AP1M1: variants seen among roughly 807,000 people sequenced by gnomAD.
The protein encoded by AP1M1 is AP-1 complex subunit mu-1.
A neutral mutation model predicts 57.1 loss-of-function variants in AP1M1; 18 were observed. The observed-to-expected ratio is 0.32, with a 90% CI of 0.22 to 0.47. The LOEUF is 0.47. Among genes scored for constraint, AP1M1 ranks in the 20% least tolerant of loss-of-function variants. The probability of loss-of-function intolerance (pLI) is 1.00; values close to 1 mark genes in which losing one functional copy is unlikely to be tolerated. For missense variants in AP1M1, 362 were observed against 593.5 expected, an observed-to-expected ratio of 0.61 and a Z score of 4.05; for synonymous variants, 241 against 237.9, an observed-to-expected ratio of 1.01 and a Z score of -0.12.
chr19:16,233,735 G>T, intron 10 of AP1M1, 117 bp downstream of exon 10: 1 of 1,343,448 alleles, frequency 7.4e-7, no homozygotes, highest in Non-Finnish European at 1.0e-6. Flanking sequence ...ACCCTGCTGT[G>T]CTGTGGGCCT....
At position 16,203,353 on chromosome 19, in the gene AP1M1, GGAGTCCCCA is replaced by G; in HGVS notation, c.43-102_43-94del. 1 of 1,169,982 alleles carries G rather than the reference GGAGTCCCCA, an allele frequency of 8.5e-7. No homozygotes were observed. Among genetic ancestry groups the G allele is most frequent in the South Asian group, 1.3e-5 (1 of 74,266 alleles). 72.5% of individuals were successfully genotyped at this position (1,169,982 alleles called of 1,614,324 possible). ...TCTTTTGCGGATAGTGGCCATGACCGGAGTCCCCAGAGCGAAGCAGGGTGGTGCATCTCA... is the reference window on the plus strand; with the variant it reads ...TCTTTTGCGGATAGTGGCCATGACCGGAGCGAAGCAGGGTGGTGCATCTCA... On this transcript the variant is annotated intron_variant, in intron 1 of 11. Transcript: ENST00000291439. The surrounding 1 kb of genome is among the most constrained non-coding windows in gnomAD (Gnocchi z 4.6).
rs972256671 is a variant in AP1M1 at position 16,241,908 on chromosome 19, G to T, written c.*7473G>T. The T allele has an allele frequency of 6.6e-6, 1 of 152,368 alleles. No individual in the cohort carries two copies. Among genetic ancestry groups the T allele is most frequent in the Non-Finnish European group, 1.5e-5 (1 of 68,316 alleles). The allele number at this position is 152,368 out of a possible 1,614,324, so 9.4% of individuals were successfully genotyped here. On this transcript the variant is annotated 3_prime_UTR_variant, in exon 12 of 12. Coordinates refer to ENST00000291439, the MANE Select transcript of AP1M1 (RefSeq NM_032493.4). ...CTCGGGAGGGTGAGGCAGGAGAATC[G>T]CTTGAACCTGGGAGGCAGAGGTTGT... is the stretch of plus-strand genomic sequence containing the variant.
At chr19:16,218,249 C>T (rs556739683) in intron 5 of AP1M1, among the ~76,000 whole-genome samples, 1 of 152,242 alleles carries the variant, frequency 6.6e-6, no homozygotes, top group Non-Finnish European at 1.5e-5. Context: ...TTTATCACCA[C>T]CAGCTCGCCC....
intron 5 of AP1M1, among the ~76,000 whole-genome samples, chr19:16,225,244 C>T (rs1286245963): frequency 6.6e-6 from 1 of 152,228 alleles, no homozygotes; most frequent in African/African-American, 2.4e-5. Flanking sequence ...TAAGACTGCA[C>T]AGACTCTCCT....
intron 5 of AP1M1, among the ~76,000 whole-genome samples, chr19:16,217,981 G>GCCATTGC (rs1408722001): frequency 1.3e-5 from 2 of 152,198 alleles, no homozygotes; most frequent in Non-Finnish European, 2.9e-5. Context: ...ATGTCAGTTT[G>GCCATTGC]CCATTGCCGT....
At chr19:16,213,682 G>A (rs2091505280) in intron 5 of AP1M1, among the ~76,000 whole-genome samples, 1 of 152,070 alleles carries the variant, frequency 6.6e-6, no homozygotes, top group Non-Finnish European at 1.5e-5. Flanking sequence ...TAGTAGAGAC[G>A]AGGTTTCACC....
Position 16,228,360 on chromosome 19 carries a change from C to T in AP1M1, c.888+152C>T, listed in dbSNP as rs1243669553. The T allele has an allele frequency of 1.5e-5, 12 of 807,556 alleles. No individual in the cohort carries two copies. The highest frequency in any genetic ancestry group is 6.8e-5 in the African/African-American group (4 of 59,162). The allele number at this position is 807,556 out of a possible 1,614,324, so 50.0% of individuals were successfully genotyped here. A position where few individuals can be genotyped will look rare whatever the true frequency, so the allele number is the denominator to read the frequency against. ...GAGTGACCTGACACTGAGGGGACACCGCCTGGGGCCTGCTCCTAGATGGTG... is the reference window on the plus strand; with the variant it reads ...GAGTGACCTGACACTGAGGGGACACTGCCTGGGGCCTGCTCCTAGATGGTG... On this transcript the variant is annotated intron_variant, in intron 8 of 11. Transcript: ENST00000291439. This position sits in a 1 kb window ranked among gnomAD's most constrained non-coding sequence, Gnocchi z 5.0.
At chr19:16,213,290 A>G (rs1214298881) in intron 5 of AP1M1, among the ~76,000 whole-genome samples, 1 of 152,100 alleles carries the variant, frequency 6.6e-6, no homozygotes, top group African/African-American at 2.4e-5. Context: ...CTGCATATTT[A>G]TTTAGGTTAG....
intron 9 of AP1M1, among the ~76,000 whole-genome samples, chr19:16,230,900 TC>T (rs1255036193): frequency 4.0e-5 from 6 of 151,782 alleles, no homozygotes; most frequent in Non-Finnish European, 8.8e-5. Flanking sequence ...CAAAATTAAT[TC>T]ATCAGCGTAT....
intron 5 of AP1M1, among the ~76,000 whole-genome samples, chr19:16,225,708 G>T (rs1599464103): frequency 6.6e-6 from 1 of 152,230 alleles, no homozygotes; most frequent in African/African-American, 2.4e-5. Context: ...AATGCTGTCA[G>T]TGTTAGCCAC....
At chr19:16,230,799 A>G in intron 9 of AP1M1, among the ~76,000 whole-genome samples, 1 of 152,218 alleles carries the variant, frequency 6.6e-6, no homozygotes, top group East Asian at 1.9e-4. Flanking sequence ...CCAAACCTGC[A>G]CTGTGTGAAG....
At chr19:16,200,176 A>C (rs1265876304) in intron 1 of AP1M1, among the ~76,000 whole-genome samples, 2 of 152,140 alleles carry the variant, frequency 1.3e-5, no homozygotes, top group East Asian at 3.8e-4. Context: ...ATTACCACAC[A>C]GTTGGATCCA....
At position 16,234,480 on chromosome 19, in the gene AP1M1, A is replaced by T; in HGVS notation, c.*45A>T. ...CCCCGGCCTCGGGGCTCCTGGTGGC[A>T]GCACCAGGGGACACACCTGCCAAAC... On this transcript the variant is annotated 3_prime_UTR_variant, in exon 12 of 12. Coordinates refer to ENST00000291439, the MANE Select transcript of AP1M1 (RefSeq NM_032493.4). The T allele has an allele frequency of 1.9e-6, 3 of 1,611,140 alleles. No individual in the cohort carries two copies. The highest frequency in any genetic ancestry group is 2.5e-6 in the Non-Finnish European group (3 of 1,178,888).
chr19:16,206,240 G>C lies in AP1M1; in HGVS notation c.200-101G>C. ...ACGGCTGGGAGTGGGGATAGGGAAG[G>C]CTCTGAGGGTTGTGAGGGTTAGGGG... is the stretch of plus-strand genomic sequence containing the variant. On this transcript the variant is annotated intron_variant, in intron 2 of 11. Coordinates refer to ENST00000291439, the MANE Select transcript of AP1M1 (RefSeq NM_032493.4). The surrounding 1 kb of genome is among the most constrained non-coding windows in gnomAD (Gnocchi z 4.3). The C allele has an allele frequency of 2.5e-6, 3 of 1,206,796 alleles. No individual in the cohort carries two copies. The highest frequency in any genetic ancestry group is 1.8e-5 in the Admixed American group (1 of 56,676). 74.8% of individuals were successfully genotyped at this position (1,206,796 alleles called of 1,614,324 possible). A position where few individuals can be genotyped will look rare whatever the true frequency, so the allele number is the denominator to read the frequency against.
In AP1M1 at chr19:16,234,481, G is replaced by A. The variant is rs2091615389; in HGVS notation, c.*46G>A. On this transcript the variant is annotated 3_prime_UTR_variant, in exon 12 of 12. Transcript: ENST00000291439. ...CCCGGCCTCGGGGCTCCTGGTGGCA[G>A]CACCAGGGGACACACCTGCCAAACC... 1 of 1,610,674 alleles carries A rather than the reference G, an allele frequency of 6.2e-7. No homozygotes were observed. Among genetic ancestry groups the A allele is most frequent in the Non-Finnish European group, 8.5e-7 (1 of 1,178,656 alleles).
In AP1M1 at chr19:16,229,752, C is replaced by A. The variant is rs554726693; in HGVS notation, c.1047+824C>A. On this transcript the variant is annotated intron_variant, in intron 9 of 11. Coordinates refer to ENST00000291439, the MANE Select transcript of AP1M1 (RefSeq NM_032493.4). Reference sequence around the variant, plus strand: ...AGGAAGGAGAGAGAAAAGCCAGTTACCCCACCACCTAATACTCCCGTCAGC... The same window carrying A: ...AGGAAGGAGAGAGAAAAGCCAGTTAACCCACCACCTAATACTCCCGTCAGC... 2.0e-4 allele frequency among the ~76,000 whole-genome samples: 30 copies of A among 152,340 alleles called. No individual in the cohort carries two copies. The South Asian group carries it at 6.0e-3, about 30-fold the overall frequency.
At chr19:16,223,806 C>T (rs866919752) in intron 5 of AP1M1, among the ~76,000 whole-genome samples, 7 of 152,370 alleles carry the variant, frequency 4.6e-5, no homozygotes, top group Middle Eastern at 6.8e-3. Context: ...GCTGCCAAGC[C>T]TCCTGCCCAG....
chr19:16,238,392 A>G lies in AP1M1; in HGVS notation c.*3957A>G, dbSNP rs2091633140. The G allele has an allele frequency of 6.6e-6, 1 of 152,248 alleles. No homozygotes were observed. 9.4% of individuals were successfully genotyped at this position (152,248 alleles called of 1,614,324 possible). Reference sequence around the variant, plus strand: ...GAAAAGGGACCACTGTAGTCCATTCATGCAAGAGATTACAGCAGTGAAAAT... The same window carrying G: ...GAAAAGGGACCACTGTAGTCCATTCGTGCAAGAGATTACAGCAGTGAAAAT... On this transcript the variant is annotated 3_prime_UTR_variant, in exon 12 of 12. Coordinates refer to ENST00000291439, the MANE Select transcript of AP1M1 (RefSeq NM_032493.4).
rs78327234 is a variant in AP1M1 at position 16,229,601 on chromosome 19, G to A, written c.1047+673G>A. 9.9e-3 allele frequency among the ~76,000 whole-genome samples: 1,506 copies of A among 152,300 alleles called. 24 individuals are homozygous for A. The highest frequency in any genetic ancestry group is 0.034 in the African/African-American group (1,427 of 41,568). On this transcript the variant is annotated intron_variant, in intron 9 of 11. Coordinates refer to ENST00000291439, the MANE Select transcript of AP1M1 (RefSeq NM_032493.4). ...CCCTCTCTCTCCATCTGCATCCCAG[G>A]GGGACTTGGGGACAGCCCCAGCTGA...
Sources: gnomAD v4.1 joint callset for allele counts (sites outside exome capture counted in the v4.1 genomes callset) on GRCh38, gnomAD v4.1.1 for gene constraint, Gnocchi (gnomAD v3.1) non-coding constraint, MANE v1.5 for transcripts, NCBI Gene and HGNC (gene_info 2026-07-23, HGNC 2026-07-21) for gene names.